Variants in PTPN13 observed in about 807,000 individuals in gnomAD.
PTPN13 encodes tyrosine-protein phosphatase non-receptor type 13.
Under a neutral mutation model 284.0 loss-of-function variants are expected in PTPN13, and 191 were observed. The ratio of observed to expected loss-of-function variants is 0.67; its 90% CI spans 0.60 to 0.76. The LOEUF is 0.76. PTPN13 is among the 30% of genes least tolerant of loss of function. The probability of loss-of-function intolerance (pLI) is 0.00; values close to 1 mark genes in which losing one functional copy is unlikely to be tolerated. For missense variants in PTPN13, 2,797 were observed against 2,939.9 expected (o/e 0.95, Z 1.12); for synonymous variants, 986 against 1,022.3 (o/e 0.96, Z 0.68).
intron 45 of PTPN13, among the ~76,000 whole-genome samples, chr4:86,808,528 T>C (rs1744888471): frequency 1.3e-5 from 2 of 152,354 alleles, no homozygotes; most frequent in South Asian, 4.1e-4. Context: ...AATTTAGCTA[T>C]CTTAAGGAAA....
At chr4:86,629,769 C>CT (rs960196818) in intron 1 of PTPN13, among the ~76,000 whole-genome samples, 10 of 150,304 alleles carry the variant, frequency 6.7e-5, no homozygotes, top group East Asian at 1.9e-4. Context: ...CTATGTCTTA[C>CT]TTTTTTTTTA....
intron 42 of PTPN13, among the ~76,000 whole-genome samples, chr4:86,803,470 G>A (rs1744281838): frequency 6.6e-6 from 1 of 152,070 alleles, no homozygotes; most frequent in Non-Finnish European, 1.5e-5. Context: ...GTGCATGACT[G>A]TGGTCCCAGC....
At chr4:86,698,603 A>G (rs1456963514) in intron 6 of PTPN13, among the ~76,000 whole-genome samples, 1 of 152,214 alleles carries the variant, frequency 6.6e-6, no homozygotes, top group Non-Finnish European at 1.5e-5. Flanking sequence ...AAGAATGAGC[A>G]GTCTGACAGG....
intron 10 of PTPN13, among the ~76,000 whole-genome samples, chr4:86,722,792 G>T (rs1032763011): frequency 6.6e-6 from 1 of 152,060 alleles, no homozygotes; most frequent in East Asian, 1.9e-4. Flanking sequence ...ATCAGACATG[G>T]AAAGTTCAAG....
intron 7 of PTPN13, among the ~76,000 whole-genome samples, chr4:86,712,346 C>T (rs576658318): frequency 6.6e-6 from 1 of 151,270 alleles, no homozygotes; most frequent in South Asian, 2.1e-4. Flanking sequence ...CCTTTATGTG[C>T]AGGTCATCTC....
intron 45 of PTPN13, 116 bp from the exon 46 acceptor site, chr4:86,809,653 T>C (rs991803877): frequency 4.4e-6 from 4 of 910,604 alleles, no homozygotes; most frequent in Admixed American, 4.3e-5. Flanking sequence ...ATTGCACCAC[T>C]GCACTCCAGC....
At chr4:86,809,713 C>G in intron 45 of PTPN13, 56 bp from the exon 46 acceptor site, 1 of 1,472,524 alleles carries the variant, frequency 6.8e-7, no homozygotes, top group Non-Finnish European at 9.5e-7. Context: ...AAAGAATTAA[C>G]TGTATGTGAA....
At chr4:86,713,345 C>A (rs1463118504) in intron 7 of PTPN13, among the ~76,000 whole-genome samples, 1 of 152,088 alleles carries the variant, frequency 6.6e-6, no homozygotes, top group Admixed American at 6.6e-5. Context: ...TTGAAAATGG[C>A]AGTTCCTCTT....
chr4:86,686,303 C>T (rs1010862757), intron 3 of PTPN13, among the ~76,000 whole-genome samples: 4 of 151,204 alleles, frequency 2.6e-5, no homozygotes, highest in Non-Finnish European at 4.4e-5. Context: ...TGCAGTGAGC[C>T]GAGATTGTGC....
At chr4:86,783,061 A>C (rs9994616) in intron 37 of PTPN13, among the ~76,000 whole-genome samples, 1 of 152,152 alleles carries the variant, frequency 6.6e-6, no homozygotes. Context: ...TTGCTCTTTT[A>C]TTAATCCGAA....
chr4:86,762,683 G>A lies in PTPN13; in HGVS notation c.3554-44G>A, dbSNP rs766670913. ...ACATTGTGTATGTGTGTAAGCACGT[G>A]TATCACTAACTTGTTACTCTCATTG... is the stretch of plus-strand genomic sequence containing the variant. On this transcript the variant is annotated intron_variant, in intron 23 of 47. Coordinates refer to ENST00000411767, the MANE Select transcript of PTPN13 (RefSeq NM_080683.3). 2.8e-6 allele frequency: 4 copies of A among 1,406,808 alleles called. 1 individual carries two copies. The South Asian group carries it at 5.0e-5, about 18-fold the overall frequency. 87.1% of individuals were successfully genotyped at this position (1,406,808 alleles called of 1,614,324 possible).
At chr4:86,715,018 A>AT (rs1732856815) in intron 7 of PTPN13, among the ~76,000 whole-genome samples, 1 of 152,180 alleles carries the variant, frequency 6.6e-6, no homozygotes. Flanking sequence ...AAAAAAAGAT[A>AT]TTCAGGTAAA....
intron 10 of PTPN13, among the ~76,000 whole-genome samples, chr4:86,724,148 G>A (rs989989556): frequency 2.6e-5 from 4 of 152,088 alleles, no homozygotes; most frequent in African/African-American, 9.7e-5. Context: ...TTGGATTGTA[G>A]TTTATAAAAC....
chr4:86,689,746 T>C lies in PTPN13; in HGVS notation c.546+556T>C, dbSNP rs774789087. ...CTGGACTCTTCTAGTTTTTCTCTTGTTTTGGATATGAAGAATCCCAAGAAT... is the reference window on the plus strand; with the variant it reads ...CTGGACTCTTCTAGTTTTTCTCTTGCTTTGGATATGAAGAATCCCAAGAAT... On this transcript the variant is annotated intron_variant, in intron 5 of 47. Transcript: ENST00000411767. 5.7e-6 allele frequency: 4 copies of C among 702,352 alleles called. No homozygotes were observed. The South Asian group carries it at 5.9e-5, about 10-fold the overall frequency. 43.5% of individuals were successfully genotyped at this position (702,352 alleles called of 1,614,324 possible). A position where few individuals can be genotyped will look rare whatever the true frequency, so the allele number is the denominator to read the frequency against.
At chr4:86,691,315 G>A (rs1730002356) in intron 5 of PTPN13, among the ~76,000 whole-genome samples, 1 of 152,130 alleles carries the variant, frequency 6.6e-6, no homozygotes. Flanking sequence ...AGTGAACCTG[G>A]ATAAAGGCTG....
In PTPN13 at chr4:86,612,883, A is replaced by G. The variant is rs1200591076; in HGVS notation, c.-6+18094A>G. 7.2e-5 allele frequency among the ~76,000 whole-genome samples: 11 copies of G among 152,246 alleles called. No homozygotes were observed. The East Asian group carries it at 1.9e-3, about 27-fold the overall frequency. On this transcript the variant is annotated intron_variant, in intron 1 of 47. Coordinates refer to ENST00000411767, the MANE Select transcript of PTPN13 (RefSeq NM_080683.3). ...CCCAAAGAAAATATCTTTCAAAAAC[A>G]AAGGCGAAATAAAGTGGTTTTTTTT... is the stretch of plus-strand genomic sequence containing the variant.
chr4:86,674,652 G>T (rs557626501), intron 3 of PTPN13, among the ~76,000 whole-genome samples: 89 of 152,282 alleles, frequency 5.8e-4, no homozygotes, highest in Non-Finnish European at 1.1e-3. Flanking sequence ...AAAGGAGATA[G>T]TAGTTATAAG....
Position 86,594,705 on chromosome 4 carries a change from G to A in PTPN13, c.-90G>A, listed in dbSNP as rs1278998700. 1 of 152,404 alleles carries A rather than the reference G, an allele frequency of 6.6e-6. No individual in the cohort carries two copies. Among genetic ancestry groups the A allele is most frequent in the Admixed American group, 6.5e-5 (1 of 15,280 alleles). 9.4% of individuals were successfully genotyped at this position (152,404 alleles called of 1,614,324 possible). On this transcript the variant is annotated 5_prime_UTR_variant, in exon 1 of 48. Coordinates refer to ENST00000411767, the MANE Select transcript of PTPN13 (RefSeq NM_080683.3). ...GGTGGTGGCTCTCGGCGCCCGCGGC[G>A]GCTGCCGGCGGCCCGCCCCGACGCC... is the stretch of plus-strand genomic sequence containing the variant.
intron 42 of PTPN13, among the ~76,000 whole-genome samples, chr4:86,800,428 G>C (rs1433361401): frequency 6.6e-6 from 1 of 151,948 alleles, no homozygotes; most frequent in Non-Finnish European, 1.5e-5. Flanking sequence ...GCCAAAGCAG[G>C]CTGATCACCT....
Sources: allele counts gnomAD v4.1 joint callset (sites outside exome capture counted in the v4.1 genomes callset), GRCh38; gene constraint gnomAD v4.1.1; transcripts MANE v1.5; gene names NCBI Gene and HGNC (gene_info 2026-07-23, HGNC 2026-07-21).